WNT7B: variants seen among roughly 807,000 people sequenced by gnomAD.
WNT7B encodes the protein Wnt family member 7B.
Under a neutral mutation model 38.2 loss-of-function variants are expected in WNT7B, and 19 were observed. The ratio of observed to expected loss-of-function variants is 0.50; its 90% CI spans 0.35 to 0.73. The LOEUF (loss-of-function observed/expected upper bound fraction) is 0.73. WNT7B is among the 30% of genes least tolerant of loss of function. WNT7B has a pLI of 0.01. For synonymous variants in WNT7B, 243 were observed against 209.3 expected (o/e 1.16, Z -1.39); for missense variants, 423 against 507.9 (o/e 0.83, Z 1.61).
chr22:45,974,142 C>A (rs1443969300), intron 1 of WNT7B, among the ~76,000 whole-genome samples: 3 of 152,174 alleles, frequency 2.0e-5, no homozygotes, highest in Admixed American at 1.3e-4. Flanking sequence ...ATATCTCCAG[C>A]ACCCACAGGG....
chr22:45,949,594 A>G (rs563915819), intron 2 of WNT7B, among the ~76,000 whole-genome samples: 114 of 152,240 alleles, frequency 7.5e-4, no homozygotes, highest in African/African-American at 2.6e-3. Flanking sequence ...ATGGGCCCCA[A>G]CCACTGCACG....
At chr22:45,970,577 C>G (rs1932412876) in intron 1 of WNT7B, among the ~76,000 whole-genome samples, 1 of 151,776 alleles carries the variant, frequency 6.6e-6, no homozygotes, top group African/African-American at 2.4e-5. Flanking sequence ...CCGCAGGACT[C>G]CTGGTCTCCC....
chr22:45,945,730 C>T (rs1298719950), intron 2 of WNT7B, among the ~76,000 whole-genome samples: 7 of 152,250 alleles, frequency 4.6e-5, no homozygotes, highest in African/African-American at 7.2e-5. Context: ...GACCCCTGGC[C>T]TCTCAGATAC....
chr22:45,963,462 G>A (rs1016500479), intron 1 of WNT7B, among the ~76,000 whole-genome samples: 13 of 152,172 alleles, frequency 8.5e-5, no homozygotes, highest in Admixed American at 2.6e-4. Flanking sequence ...GGCCTTGACT[G>A]AAGTGGCCCG....
At chr22:45,936,899 G>A (rs1299148726) in intron 2 of WNT7B, among the ~76,000 whole-genome samples, 1 of 152,228 alleles carries the variant, frequency 6.6e-6, no homozygotes, top group Non-Finnish European at 1.5e-5. Context: ...GCTGGGGGCT[G>A]AGTCCACCCT....
Position 45,976,929 on chromosome 22 carries a change from G to T in WNT7B, c.-175C>A, listed in dbSNP as rs1212888651. ...GCGCGCTGCCACCATGGTGAGCCCG[G>T]GATGCCGCCGCCGCCACCGCCGCGT... On this transcript the variant is annotated 5_prime_UTR_variant, in exon 1 of 4. Coordinates refer to ENST00000339464, the MANE Select transcript of WNT7B (RefSeq NM_058238.3). The surrounding 1 kb of genome is among the most constrained non-coding windows in gnomAD (Gnocchi z 8.5). 51 of 990,320 alleles carry T rather than the reference G, an allele frequency of 5.1e-5. No individual in the cohort carries two copies. In the South Asian group the frequency reaches 2.2e-3, roughly 43 times the overall value. The allele number at this position is 990,320 out of a possible 1,614,324, so 61.3% of individuals were successfully genotyped here. A position where few individuals can be genotyped will look rare whatever the true frequency, so the allele number is the denominator to read the frequency against.
At chr22:45,943,988 C>T (rs964000271) in intron 2 of WNT7B, among the ~76,000 whole-genome samples, 6 of 152,172 alleles carry the variant, frequency 3.9e-5, no homozygotes, top group African/African-American at 9.7e-5. Flanking sequence ...CTGCGGGGAC[C>T]TCCATGTCCC....
At chr22:45,972,154 C>A in intron 1 of WNT7B, 1 of 628,064 alleles carries the variant, frequency 1.6e-6, no homozygotes, top group South Asian at 1.7e-5. Flanking sequence ...GCGGCACTCA[C>A]AAGTAGCTGC....
chr22:45,955,898 C>T (rs1334807468), intron 1 of WNT7B, among the ~76,000 whole-genome samples: 1 of 152,182 alleles, frequency 6.6e-6, no homozygotes, highest in Non-Finnish European at 1.5e-5. Flanking sequence ...TGAGGTGCAT[C>T]CTGGCGCAGG....
At chr22:45,924,156 G>C (rs1457851420) in intron 3 of WNT7B, among the ~76,000 whole-genome samples, 1 of 152,202 alleles carries the variant, frequency 6.6e-6, no homozygotes, top group Non-Finnish European at 1.5e-5. Context: ...CGGCTGCAGA[G>C]AGGCCATTTG....
At chr22:45,954,674 T>C (rs1932019857) in intron 1 of WNT7B, 1 of 985,394 alleles carries the variant, frequency 1.0e-6, no homozygotes, top group Non-Finnish European at 1.2e-6. Context: ...TCCTGCACTG[T>C]ATTTTGTGCC....
intron 3 of WNT7B, chr22:45,927,602 G>C (rs1027585328): frequency 5.7e-5 from 54 of 946,236 alleles, no homozygotes; most frequent in Non-Finnish European, 8.1e-5. Flanking sequence ...GTCCATATAA[G>C]AGATGGAACA....
At position 45,977,085 on chromosome 22, in the gene WNT7B, C is replaced by T. The variant is rs1950554035; in HGVS notation, c.-331G>A. On this transcript the variant is annotated 5_prime_UTR_variant, in exon 1 of 4. Transcript: ENST00000339464. ...CGGGTGCAGCCTGCACTAGGCGCAGCCGCCTGAGGCCGTGAGCGCCTCGCC... is the reference window on the plus strand; with the variant it reads ...CGGGTGCAGCCTGCACTAGGCGCAGTCGCCTGAGGCCGTGAGCGCCTCGCC... 1.1e-6 allele frequency: 1 copy of T among 920,646 alleles called. No homozygotes were observed. The highest frequency in any genetic ancestry group is 1.3e-6 in the Non-Finnish European group (1 of 771,138). The allele number at this position is 920,646 out of a possible 1,614,324, so 57.0% of individuals were successfully genotyped here.
intron 2 of WNT7B, among the ~76,000 whole-genome samples, chr22:45,934,041 C>G (rs2146716742): frequency 6.6e-6 from 1 of 152,354 alleles, no homozygotes; most frequent in South Asian, 2.1e-4. Flanking sequence ...TCCACATGCG[C>G]CGGGCGCACA....
chr22:45,921,250 C>A lies in WNT7B; in HGVS notation c.*1606G>T, dbSNP rs547532882. On this transcript the variant is annotated 3_prime_UTR_variant, in exon 4 of 4. Transcript: ENST00000339464. ...CCTCAGAGACAGGGGTGGGAGCATC[C>A]AGAAAGGACATGTCCAGCTCTGGAT... 6.6e-6 allele frequency: 1 copy of A among 152,394 alleles called. No homozygotes were observed. Among genetic ancestry groups the A allele is most frequent in the South Asian group, 2.1e-4 (1 of 4,828 alleles). The allele number at this position is 152,394 out of a possible 1,614,324, so 9.4% of individuals were successfully genotyped here. A position where few individuals can be genotyped will look rare whatever the true frequency, so the allele number is the denominator to read the frequency against.
intron 2 of WNT7B, among the ~76,000 whole-genome samples, chr22:45,932,212 G>A (rs751254624): frequency 2.0e-5 from 3 of 152,172 alleles, no homozygotes; most frequent in Non-Finnish European, 4.4e-5. Flanking sequence ...GGAGGGGAGG[G>A]TCCCAGGTCA....
At chr22:45,974,184 G>A (rs1185744444) in intron 1 of WNT7B, among the ~76,000 whole-genome samples, 1 of 152,204 alleles carries the variant, frequency 6.6e-6, no homozygotes, top group African/African-American at 2.4e-5. Context: ...CAGGCAGCAC[G>A]CAGTGAAGGG....
At position 45,976,343 on chromosome 22, in the gene WNT7B, A is replaced by G. The variant is rs555468770; in HGVS notation, c.71+341T>C. Among the ~76,000 whole-genome samples the G allele has an allele frequency of 9.6e-3, 1,447 of 150,186 alleles. 11 individuals carry two copies. The highest frequency in any genetic ancestry group is 0.014 in the Middle Eastern group (4 of 292). ...TCGGCCCGGGCTCGGCGCCCAGCGC[A>G]GCCCGGGGGAGGGAAGGCGCGTCCC... On this transcript the variant is annotated intron_variant, in intron 1 of 3. Coordinates refer to ENST00000339464, the MANE Select transcript of WNT7B (RefSeq NM_058238.3). The surrounding 1 kb of genome is among the most constrained non-coding windows in gnomAD (Gnocchi z 8.5).
chr22:45,954,525 C>T (rs1207349599), intron 1 of WNT7B, among the ~76,000 whole-genome samples: 1 of 152,204 alleles, frequency 6.6e-6, no homozygotes, highest in Non-Finnish European at 1.5e-5. Context: ...ACCCAGCCGA[C>T]GCCCTGCTTG....
Sources: allele counts gnomAD v4.1 joint callset (sites outside exome capture counted in the v4.1 genomes callset), GRCh38; gene constraint gnomAD v4.1.1; non-coding constraint Gnocchi (gnomAD v3.1); transcripts MANE v1.5; gene names NCBI Gene and HGNC (gene_info 2026-07-23, HGNC 2026-07-21).